CEP104: variants seen among roughly 807,000 people sequenced by gnomAD.
CEP104 encodes centrosomal protein of 104 kDa.
CEP104 carries 84 observed loss-of-function variants against 113.3 expected under a neutral mutation model. The ratio of observed to expected loss-of-function variants is 0.74; its 90% CI spans 0.62 to 0.89. The LOEUF is 0.89. Among genes scored for constraint, CEP104 ranks in the 40% least tolerant of loss-of-function variants. CEP104 has a pLI of 0.00. For missense variants in CEP104, 1,053 were observed against 1,156.6 expected, an observed-to-expected ratio of 0.91 and a Z score of 1.30; for synonymous variants, 378 against 421.7, an observed-to-expected ratio of 0.90 and a Z score of 1.27.
At chr1:3,820,262 A>G (rs1643944692) in intron 20 of CEP104, among the ~76,000 whole-genome samples, 1 of 152,224 alleles carries the variant, frequency 6.6e-6, no homozygotes, top group Non-Finnish European at 1.5e-5. Context: ...TACTGCTCCT[A>G]GTAGGAAACC....
intron 20 of CEP104, among the ~76,000 whole-genome samples, chr1:3,822,297 C>T (rs531610068): frequency 6.6e-6 from 1 of 152,288 alleles, no homozygotes; most frequent in East Asian, 1.9e-4. Context: ...TAGACACCAG[C>T]GCTGAGAGCG....
At chr1:3,830,904 T>C in intron 13 of CEP104, 142 bp downstream of exon 13, 1 of 835,730 alleles carries the variant, frequency 1.2e-6, no homozygotes, top group Non-Finnish European at 1.8e-6. Context: ...GGGCCCCCAT[T>C]TGTTGGATGA....
intron 15 of CEP104, among the ~76,000 whole-genome samples, chr1:3,828,875 G>A (rs1256373577): frequency 2.0e-5 from 3 of 152,068 alleles, no homozygotes; most frequent in African/African-American, 4.8e-5. Context: ...CATAGAAACA[G>A]AATGTTTACC....
intron 21 of CEP104, among the ~76,000 whole-genome samples, chr1:3,815,740 G>C (rs1002048894): frequency 6.6e-6 from 1 of 151,870 alleles, no homozygotes; most frequent in African/African-American, 2.4e-5. Context: ...CCAGGCTGGA[G>C]GGCAGTGGCG....
chr1:3,816,363 T>G lies in CEP104; in HGVS notation c.2579A>C (p.Lys860Thr). The change falls in exon 21 of 22, where the codon AAA becomes ACA. Residue 860 changes from lysine (K) to threonine (T), a missense_variant. By Grantham distance (78) the Lys-to-Thr change is moderately conservative. Transcript: ENST00000378230. ...GCCGGCTGGGCCCATCAGGTGAGCT[T>G]TCCATGCCTGCAGCAGAGGAGGCAC... is the stretch of plus-strand genomic sequence containing the variant. ...ENFSPGEEAW[K>T]AHLMGPAGCT... 6.4e-7 allele frequency: 1 copy of G among 1,551,542 alleles called. No homozygotes were observed. The highest frequency in any genetic ancestry group is 8.7e-7 in the Non-Finnish European group (1 of 1,147,202).
chr1:3,843,878 C>G (rs1256987456), intron 6 of CEP104, among the ~76,000 whole-genome samples: 2 of 152,056 alleles, frequency 1.3e-5, no homozygotes, highest in East Asian at 3.9e-4. Flanking sequence ...TCTCCTGCCT[C>G]AGCCTCCCAA....
At chr1:3,822,004 C>T (rs539548740) in intron 20 of CEP104, among the ~76,000 whole-genome samples, 1 of 152,310 alleles carries the variant, frequency 6.6e-6, no homozygotes, top group East Asian at 1.9e-4. Flanking sequence ...AAAGAAGTCC[C>T]GATTCCGAAA....
rs758711866 is a variant in CEP104, at chr1:3,823,393, AG to A, written c.2503+30del. Reference sequence around the variant, plus strand: ...CTCCAAGAGGACCCCTGGTGACCCGAGGGCACGGGAGCCTGGGAAGGGGCAC... The same window carrying A: ...CTCCAAGAGGACCCCTGGTGACCCGAGGCACGGGAGCCTGGGAAGGGGCAC... On this transcript the variant is annotated intron_variant, in intron 19 of 21. Transcript: ENST00000378230. This position sits in a 1 kb window ranked among gnomAD's most constrained non-coding sequence, Gnocchi z 4.1. 9.3e-6 allele frequency: 15 copies of A among 1,613,980 alleles called. No individual in the cohort carries two copies. In the South Asian group the frequency reaches 1.5e-4, roughly 17 times the overall value.
At chr1:3,851,033 C>T (rs916654170) in intron 2 of CEP104, among the ~76,000 whole-genome samples, 5 of 152,186 alleles carry the variant, frequency 3.3e-5, no homozygotes, top group African/African-American at 4.8e-5. Context: ...GAGGAGAGGG[C>T]AGAGCGCTGG....
intron 12 of CEP104, 90 bp downstream of exon 12, chr1:3,833,772 C>T (rs1469041935): frequency 2.4e-6 from 3 of 1,245,024 alleles, no homozygotes; most frequent in Non-Finnish European, 3.5e-6. Flanking sequence ...TGAGTAGAGA[C>T]AGAATCTTGT....
chr1:3,837,519 T>C lies in CEP104; in HGVS notation c.892A>G (p.Met298Val). The C allele has an allele frequency of 1.2e-6, 2 of 1,613,820 alleles. No individual in the cohort carries two copies. The highest frequency in any genetic ancestry group is 1.7e-6 in the Non-Finnish European group (2 of 1,179,746). The change falls in exon 9 of 22, where the codon ATG becomes GTG. Residue 298 changes from methionine to valine, a missense_variant and splice_region_variant. Met to Val is a conservative substitution (Grantham distance 21). Transcript: ENST00000378230. The part of the protein sequence containing the change: ...ELHSLLDAEL[M>V]RRPFDLPLQP... ...AGGGGCAAATCAAAAGGTCTTCGCA[T>C]CTAGAGAACAAAAAGGAACATTTAA...
chr1:3,845,204 G>T, intron 5 of CEP104, 85 bp downstream of exon 5: 4 of 1,002,420 alleles, frequency 4.0e-6, no homozygotes, highest in South Asian at 1.5e-5. Context: ...TTATAAAAAT[G>T]ACACATTTTT....
chr1:3,816,250 C>G (rs1218806512), intron 21 of CEP104, 30 bp downstream of exon 21: 9 of 1,537,594 alleles, frequency 5.9e-6, no homozygotes, highest in Non-Finnish European at 6.2e-6. Flanking sequence ...GGGATGCAGA[C>G]TACACCTGCT....
chr1:3,851,276 G>C (rs1644606412), intron 2 of CEP104, among the ~76,000 whole-genome samples: 1 of 151,950 alleles, frequency 6.6e-6, no homozygotes, highest in Admixed American at 6.6e-5. Flanking sequence ...GGGACAGGGG[G>C]TCTTATTTGT....
At chr1:3,818,653 G>C (rs1325230579) in intron 20 of CEP104, among the ~76,000 whole-genome samples, 1 of 152,110 alleles carries the variant, frequency 6.6e-6, no homozygotes, top group South Asian at 2.1e-4. Flanking sequence ...GAAGAATAAT[G>C]GTCAATGATT....
chr1:3,822,077 G>A (rs1040154219), intron 20 of CEP104, among the ~76,000 whole-genome samples: 4 of 152,226 alleles, frequency 2.6e-5, no homozygotes, highest in Non-Finnish European at 4.4e-5. Context: ...AACATTACAA[G>A]AGAGGGGAGC....
In CEP104 at chr1:3,823,127, C is replaced by T; in HGVS notation, c.2571+47G>A. On this transcript the variant is annotated intron_variant, in intron 20 of 21. Coordinates refer to ENST00000378230, the MANE Select transcript of CEP104 (RefSeq NM_014704.4). This position sits in a 1 kb window ranked among gnomAD's most constrained non-coding sequence, Gnocchi z 4.1. Reference sequence around the variant, plus strand: ...CCACTGTCACCACCACTGCCATCCACAGGTGTGTCACCTACTTCACTGGTC... The same window carrying T: ...CCACTGTCACCACCACTGCCATCCATAGGTGTGTCACCTACTTCACTGGTC... The T allele has an allele frequency of 6.4e-7, 1 of 1,563,634 alleles. No individual in the cohort carries two copies. Among genetic ancestry groups the T allele is most frequent in the Non-Finnish European group, 8.8e-7 (1 of 1,135,262 alleles).
intron 9 of CEP104, chr1:3,836,919 TA>T (rs945825198): frequency 2.0e-5 from 11 of 536,768 alleles, no homozygotes; most frequent in Non-Finnish European, 2.6e-5. Flanking sequence ...ACAGACCTAA[TA>T]AAAAAAAGCA....
At chr1:3,852,000 C>T (rs532518461) in intron 2 of CEP104, among the ~76,000 whole-genome samples, 6 of 152,264 alleles carry the variant, frequency 3.9e-5, no homozygotes, top group African/African-American at 7.2e-5. Flanking sequence ...TGCAGCCCAG[C>T]GTGTGATCAG....
Sources: allele counts gnomAD v4.1 joint callset (sites outside exome capture counted in the v4.1 genomes callset), GRCh38; gene constraint gnomAD v4.1.1; non-coding constraint Gnocchi (gnomAD v3.1); transcripts MANE v1.5; gene names NCBI Gene and HGNC (gene_info 2026-07-23, HGNC 2026-07-21).